Variants in FKBP5 observed in about 807,000 individuals in gnomAD.
FKBP5 encodes the protein FKBP prolyl isomerase 5.
In FKBP5, 23 loss-of-function variants were observed where a neutral mutation model predicts 50.5. That is an observed-to-expected ratio of 0.46 (90% CI 0.33 to 0.65). The LOEUF is 0.65. FKBP5 is among the 30% of genes least tolerant of loss of function. FKBP5 has a pLI of 0.02. For missense variants in FKBP5, 411 were observed against 553.1 expected (o/e 0.74, Z 2.58); for synonymous variants, 176 against 190.6 (o/e 0.92, Z 0.63).
chr6:35,672,887 G>A (rs1411907582), intron 1 of FKBP5, among the ~76,000 whole-genome samples: 1 of 151,094 alleles, frequency 6.6e-6, no homozygotes, highest in Non-Finnish European at 1.5e-5. Flanking sequence ...CCGAGATCGC[G>A]CCACTGCACT....
chr6:35,628,219 A>T (rs1032228862), intron 3 of FKBP5, among the ~76,000 whole-genome samples: 6 of 152,094 alleles, frequency 3.9e-5, no homozygotes, highest in Admixed American at 6.5e-5. Context: ...AGCTTTTCCA[A>T]CACCATTTGT....
intron 6 of FKBP5, among the ~76,000 whole-genome samples, chr6:35,595,650 C>A (rs1049699107): frequency 3.3e-5 from 5 of 151,968 alleles, no homozygotes; most frequent in African/African-American, 9.7e-5. Context: ...ACTCTAGAGA[C>A]TGAAGTGGGA....
In FKBP5 at chr6:35,668,915, A is replaced by C. The variant is rs193289101; in HGVS notation, c.-20+19889T>G. 1.1e-3 allele frequency among the ~76,000 whole-genome samples: 165 copies of C among 152,300 alleles called. 2 individuals carry two copies. The highest frequency in any genetic ancestry group is 3.8e-3 in the African/African-American group (160 of 41,568). On this transcript the variant is annotated intron_variant, in intron 1 of 10. Coordinates refer to ENST00000357266, the MANE Select transcript of FKBP5 (RefSeq NM_004117.4). ...TGCAGCTCAACCAAGCATATACATT[A>C]GTCATATTTCCTCTGATAATTTTTT...
chr6:35,578,154 T>C lies in FKBP5; in HGVS notation c.1027-921A>G, dbSNP rs375114535. On this transcript the variant is annotated intron_variant, in intron 9 of 10. Coordinates refer to ENST00000357266, the MANE Select transcript of FKBP5 (RefSeq NM_004117.4). ...CATATTAAAAAAAACCATAAAATGT[T>C]TCAATTATTTTTTATTTTAAAATAT... 2.6e-5 allele frequency among the ~76,000 whole-genome samples: 4 copies of C among 152,234 alleles called. No individual in the cohort carries two copies. The East Asian group carries it at 7.7e-4, about 29-fold the overall frequency.
Position 35,637,006 on chromosome 6 carries a change from C to T in FKBP5, c.250+8G>A, listed in dbSNP as rs1324726305. On this transcript the variant is annotated splice_region_variant and intron_variant, in intron 3 of 10. Transcript: ENST00000357266. ...AGTAAAACACAACTCAAAAAAATAC[C>T]CTCTTACCTTTGCCAAGACTAAAGA... 2 of 1,584,570 alleles carry T rather than the reference C, an allele frequency of 1.3e-6. No homozygotes were observed. The highest frequency in any genetic ancestry group is 4.5e-5 in the East Asian group (2 of 44,200).
At chr6:35,702,350 C>T (rs1253177097) in intron 2 of FKBP5, among the ~76,000 whole-genome samples, 2 of 131,496 alleles carry the variant, frequency 1.5e-5, no homozygotes, top group African/African-American at 3.1e-5. Flanking sequence ...ACATGTACCC[C>T]GAACCTACAA....
rs569420102 is a variant in FKBP5 at position 35,584,769 on chromosome 6, T to C, written c.840+2265A>G. On this transcript the variant is annotated intron_variant, in intron 8 of 10. Transcript: ENST00000357266. ...ATTTTTCCCCAATGGACTAATGTTT[T>C]GAAAAATTTTGCCTATCAAATTCCA... 118 of 985,368 alleles carry C rather than the reference T, an allele frequency of 1.2e-4. No homozygotes were observed. The African/African-American group carries it at 2.0e-3, about 16-fold the overall frequency. 61.0% of individuals were successfully genotyped at this position (985,368 alleles called of 1,614,324 possible).
At chr6:35,646,060 G>A (rs1186156660) in intron 1 of FKBP5, among the ~76,000 whole-genome samples, 6 of 152,196 alleles carry the variant, frequency 3.9e-5, no homozygotes, top group Admixed American at 3.3e-4. Flanking sequence ...AAGTTGCAGT[G>A]AGCCGAGGTC....
Position 35,619,216 on chromosome 6 carries a change from A to G in FKBP5, c.394-6T>C. ...TTGAAATCAAGGAGCTCAATCTAGA[A>G]AGAAAAAAGGAATTCAGCTGAGAAA... On this transcript the variant is annotated splice_region_variant and splice_polypyrimidine_tract_variant and intron_variant, in intron 4 of 10. Coordinates refer to ENST00000357266, the MANE Select transcript of FKBP5 (RefSeq NM_004117.4). 6.3e-7 allele frequency: 1 copy of G among 1,597,910 alleles called. No homozygotes were observed. Among genetic ancestry groups the G allele is most frequent in the Non-Finnish European group, 8.6e-7 (1 of 1,165,890 alleles).
intron 2 of FKBP5, among the ~76,000 whole-genome samples, chr6:35,698,096 G>A (rs773504481): frequency 8.6e-5 from 13 of 151,630 alleles, no homozygotes; most frequent in Non-Finnish European, 1.8e-4. Flanking sequence ...TAATCCCAGC[G>A]CTTTGGGAGG....
chr6:35,690,744 C>T (rs1765971331), upstream of FKBP5, among the ~76,000 whole-genome samples: 1 of 152,136 alleles, frequency 6.6e-6, no homozygotes, highest in South Asian at 2.1e-4. Context: ...CAGTGGTTCA[C>T]ACCTGTAATC....
At chr6:35,603,988 G>A (rs142928343) in intron 5 of FKBP5, among the ~76,000 whole-genome samples, 23 of 152,018 alleles carry the variant, frequency 1.5e-4, no homozygotes, top group African/African-American at 5.6e-4. Flanking sequence ...TTACAGGTGT[G>A]AGCCACCGTG....
At chr6:35,701,693 T>C (rs1766192926) in intron 2 of FKBP5, among the ~76,000 whole-genome samples, 1 of 151,544 alleles carries the variant, frequency 6.6e-6, no homozygotes, top group Non-Finnish European at 1.5e-5. Flanking sequence ...ATGTGCACCA[T>C]GATGCCCTAC....
At chr6:35,582,029 TGTAG>T in intron 8 of FKBP5, 1 of 985,596 alleles carries the variant, frequency 1.0e-6, no homozygotes, top group Non-Finnish European at 1.2e-6. Flanking sequence ...GAGCTCTGCC[TGTAG>T]AAAGGAAGCC....
chr6:35,588,910 T>C (rs1421571577), intron 7 of FKBP5, among the ~76,000 whole-genome samples: 1 of 150,774 alleles, frequency 6.6e-6, no homozygotes, highest in East Asian at 1.9e-4. Context: ...CCAGGAAAAT[T>C]TTAAATTTTT....
intron 3 of FKBP5, among the ~76,000 whole-genome samples, chr6:35,636,237 T>A (rs924080525): frequency 6.6e-6 from 1 of 152,168 alleles, no homozygotes; most frequent in South Asian, 2.1e-4. Flanking sequence ...CAGTGGCAAA[T>A]AAGCCCACAG....
intron 8 of FKBP5, 141 bp downstream of exon 8, chr6:35,586,893 G>A (rs1762617198): frequency 3.5e-6 from 5 of 1,447,426 alleles, no homozygotes; most frequent in Non-Finnish European, 3.7e-6. Flanking sequence ...TTTTCATATT[G>A]AAAATGACAG....
chr6:35,668,754 A>AAAC (rs1346830194), intron 1 of FKBP5, among the ~76,000 whole-genome samples: 1 of 152,156 alleles, frequency 6.6e-6, no homozygotes, highest in African/African-American at 2.4e-5. Context: ...CACAACAATA[A>AAAC]AACAACAAAA....
rs562894551 is a variant in FKBP5 at position 35,640,150 on chromosome 6, G to C, written c.105+2570C>G. Among the ~76,000 whole-genome samples the C allele has an allele frequency of 2.8e-4, 43 of 152,340 alleles. No homozygotes were observed. In the South Asian group the frequency reaches 8.7e-3, roughly 31 times the overall value. On this transcript the variant is annotated intron_variant, in intron 2 of 10. Coordinates refer to ENST00000357266, the MANE Select transcript of FKBP5 (RefSeq NM_004117.4). ...TCGCTTAAGGACAGGGATATGTTCT[G>C]AGAAATGTGTTCTTAGATGATTTCA...
Sources: gnomAD v4.1 joint callset for allele counts (sites outside exome capture counted in the v4.1 genomes callset) on GRCh38, gnomAD v4.1.1 for gene constraint, MANE v1.5 for transcripts, NCBI Gene and HGNC (gene_info 2026-07-23, HGNC 2026-07-21) for gene names.